Variants in DYM observed in about 807,000 individuals in gnomAD.
The protein encoded by DYM is dyggve-Melchior-Clausen syndrome protein.
Under a neutral mutation model 93.1 loss-of-function variants are expected in DYM, and 78 were observed. That is an observed-to-expected ratio of 0.84 (90% confidence interval 0.70 to 1.01). The LOEUF is 1.01. Ranked by LOEUF, DYM falls within the 50% of genes least tolerant of loss-of-function variation. The probability of loss-of-function intolerance (pLI) is 0.00; values close to 1 mark genes in which losing one functional copy is unlikely to be tolerated. For missense variants in DYM, 789 were observed against 845.0 expected (o/e 0.93, Z 0.82); for synonymous variants, 321 against 319.7 (o/e 1.00, Z -0.04).
chr18:49,433,410 A>T (rs1395046284), intron 1 of DYM, among the ~76,000 whole-genome samples: 1 of 152,230 alleles, frequency 6.6e-6, no homozygotes, highest in Non-Finnish European at 1.5e-5. Context: ...CTATGATATA[A>T]ATACTAAATA....
At chr18:49,369,865 A>G (rs1034888410) in intron 5 of DYM, among the ~76,000 whole-genome samples, 2 of 152,196 alleles carry the variant, frequency 1.3e-5, no homozygotes, top group African/African-American at 2.4e-5. Context: ...CTCACAGGTC[A>G]TACAGTGTCT....
intron 2 of DYM, chr18:49,417,963 G>A (rs532697117): frequency 6.6e-6 from 1 of 151,794 alleles, no homozygotes; most frequent in African/African-American, 2.4e-5. Flanking sequence ...GGGAGGCTGA[G>A]GCAGGAGAAT....
intron 1 of DYM, among the ~76,000 whole-genome samples, chr18:49,437,197 A>G (rs1487779969): frequency 1.3e-5 from 2 of 152,186 alleles, no homozygotes; most frequent in Admixed American, 1.3e-4. Context: ...GAAAACATTC[A>G]CAGTTTCTTG....
intron 16 of DYM, among the ~76,000 whole-genome samples, chr18:49,103,625 A>C (rs59323197): frequency 0.025 from 3,799 of 152,196 alleles, 150 homozygotes; most frequent in African/African-American, 0.085. Flanking sequence ...TCAGCTTTCT[A>C]CATATGGCTA....
chr18:49,221,890 A>G (rs1218757245), intron 13 of DYM, among the ~76,000 whole-genome samples: 1 of 152,102 alleles, frequency 6.6e-6, no homozygotes, highest in Non-Finnish European at 1.5e-5. Flanking sequence ...CATGTACCCT[A>G]AAACTTAAAC....
At chr18:49,084,458 G>A (rs1321227487) in intron 17 of DYM, among the ~76,000 whole-genome samples, 1 of 152,126 alleles carries the variant, frequency 6.6e-6, no homozygotes, top group Non-Finnish European at 1.5e-5. Flanking sequence ...CTCTATAGAT[G>A]TTAGTTAGAT....
intron 2 of DYM, among the ~76,000 whole-genome samples, chr18:49,391,877 C>A (rs926604510): frequency 6.6e-6 from 1 of 152,016 alleles, no homozygotes; most frequent in African/African-American, 2.4e-5. Context: ...GCTTGGGGCA[C>A]CCTGCCTTTC....
intron 5 of DYM, among the ~76,000 whole-genome samples, chr18:49,368,233 AT>A (rs2066689197): frequency 6.6e-6 from 1 of 152,228 alleles, no homozygotes; most frequent in South Asian, 2.1e-4. Context: ...ACCAGGTTTG[AT>A]TATAAAATGT....
intron 13 of DYM, among the ~76,000 whole-genome samples, chr18:49,248,836 AGGAT>A (rs140601068): frequency 0.077 from 11,678 of 152,234 alleles, 713 homozygotes; most frequent in East Asian, 0.31. Flanking sequence ...ACTCTTTTCC[AGGAT>A]AATTTCCACA....
intron 2 of DYM, among the ~76,000 whole-genome samples, chr18:49,414,347 A>T (rs1014289243): frequency 1.3e-5 from 2 of 152,224 alleles, no homozygotes; most frequent in Non-Finnish European, 2.9e-5. Context: ...ACAATAATTT[A>T]AAAAATGGTT....
At chr18:49,370,298 A>AT (rs1182035041) in intron 5 of DYM, among the ~76,000 whole-genome samples, 2 of 148,274 alleles carry the variant, frequency 1.3e-5, no homozygotes, top group Non-Finnish European at 3.0e-5. Context: ...AAAAAAAAAA[A>AT]ACAAAACAGG....
chr18:49,080,656 C>T (rs549491106), intron 17 of DYM, among the ~76,000 whole-genome samples: 67 of 150,054 alleles, frequency 4.5e-4, no homozygotes, highest in African/African-American at 1.6e-3. Context: ...CCCCCACCTC[C>T]CTCCCGGACG....
chr18:49,349,470 T>A (rs1000607043), intron 6 of DYM, among the ~76,000 whole-genome samples: 3 of 152,164 alleles, frequency 2.0e-5, no homozygotes, highest in Non-Finnish European at 4.4e-5. Context: ...GTATAGAATT[T>A]ATGGTGGGTA....
At chr18:49,266,780 T>C (rs917831293) in intron 11 of DYM, among the ~76,000 whole-genome samples, 2 of 152,254 alleles carry the variant, frequency 1.3e-5, no homozygotes, top group African/African-American at 4.8e-5. Context: ...TTGACTTTAA[T>C]GTATTTTCAA....
rs369917656 is a variant in DYM, at chr18:49,122,286, C to A, written c.1729-3360G>T. ...GATTGTTTACGGTGATGACAATACA[C>A]TTAAACTAGCAATGTAGGAAGGCCT... On this transcript the variant is annotated intron_variant, in intron 15 of 17. Transcript: ENST00000675505. 3.3e-5 allele frequency among the ~76,000 whole-genome samples: 5 copies of A among 152,270 alleles called. No individual in the cohort carries two copies. The East Asian group carries it at 5.8e-4, about 18-fold the overall frequency.
chr18:49,355,411 TAGATACAATTGAC>T (rs996534583), intron 6 of DYM, among the ~76,000 whole-genome samples: 4 of 152,210 alleles, frequency 2.6e-5, no homozygotes, highest in South Asian at 2.1e-4. Flanking sequence ...GATACACTGA[TAGATACAATTGAC>T]AGATACAATT....
At chr18:49,118,723 A>G in intron 16 of DYM, 21 bp downstream of exon 16, 1 of 1,601,054 alleles carries the variant, frequency 6.2e-7, no homozygotes, top group Non-Finnish European at 8.6e-7. Context: ...AATCATAATA[A>G]ATGTCTTCAT....
chr18:49,108,390 C>T (rs563315594), intron 16 of DYM, among the ~76,000 whole-genome samples: 11 of 152,348 alleles, frequency 7.2e-5, no homozygotes, highest in South Asian at 2.1e-4. Flanking sequence ...TCGGCTCACG[C>T]GCAGTGCGCT....
At chr18:49,280,096 T>C (rs1415315975) in intron 10 of DYM, among the ~76,000 whole-genome samples, 1 of 152,200 alleles carries the variant, frequency 6.6e-6, no homozygotes, top group Non-Finnish European at 1.5e-5. Flanking sequence ...GTATTAAGGG[T>C]CCATAGTTAT....
Sources: gnomAD v4.1 joint callset for allele counts (sites outside exome capture counted in the v4.1 genomes callset) on GRCh38, gnomAD v4.1.1 for gene constraint, MANE v1.5 for transcripts, NCBI Gene and HGNC (gene_info 2026-07-23, HGNC 2026-07-21) for gene names.